Variants in MAST4 observed in about 807,000 individuals in gnomAD.
MAST4 encodes the protein microtubule-associated serine/threonine-protein kinase 4.
MAST4 carries 89 observed loss-of-function variants against 162.7 expected under a neutral mutation model. The observed-to-expected ratio is 0.55, with a 90% CI of 0.46 to 0.65. The LOEUF (loss-of-function observed/expected upper bound fraction) is 0.65. Ranked by LOEUF, MAST4 falls within the 30% of genes least tolerant of loss-of-function variation. The pLI, the probability that MAST4 is intolerant of heterozygous loss-of-function variation, is 0.00. For missense variants in MAST4, 3,153 were observed against 3,374.0 expected, an observed-to-expected ratio of 0.93 and a Z score of 1.62; for synonymous variants, 1,479 against 1,361.1, an observed-to-expected ratio of 1.09 and a Z score of -1.91.
intron 3 of MAST4, among the ~76,000 whole-genome samples, chr5:66,868,533 T>A (rs1290220225): frequency 1.3e-5 from 2 of 151,024 alleles, no homozygotes; most frequent in African/African-American, 4.9e-5. Flanking sequence ...AGTGACTAGT[T>A]CATTGAAAAT....
chr5:66,858,825 G>A (rs938795824), intron 3 of MAST4, among the ~76,000 whole-genome samples: 1 of 151,952 alleles, frequency 6.6e-6, no homozygotes, highest in Non-Finnish European at 1.5e-5. Flanking sequence ...GTATTCATTT[G>A]TGCCTATTAA....
intron 1 of MAST4, among the ~76,000 whole-genome samples, chr5:66,620,206 T>C (rs1009791672): frequency 6.6e-6 from 1 of 152,090 alleles, no homozygotes; most frequent in Admixed American, 6.6e-5. Context: ...AGGTGGATGC[T>C]TGTGTTTTCT....
At chr5:67,009,729 T>A (rs960279906) in intron 4 of MAST4, among the ~76,000 whole-genome samples, 1 of 152,082 alleles carries the variant, frequency 6.6e-6, no homozygotes, top group African/African-American at 2.4e-5. Context: ...GCTTGGCATA[T>A]GAGGGAGTTT....
chr5:67,127,592 T>C (rs527890246), intron 14 of MAST4, among the ~76,000 whole-genome samples: 1 of 152,266 alleles, frequency 6.6e-6, no homozygotes, highest in African/African-American at 2.4e-5. Flanking sequence ...GCTGACTTGA[T>C]CGCGGTGGAT....
At chr5:66,775,629 G>T (rs555906389) in intron 2 of MAST4, among the ~76,000 whole-genome samples, 1 of 152,274 alleles carries the variant, frequency 6.6e-6, no homozygotes, top group Admixed American at 6.5e-5. Context: ...AATTCAGTGT[G>T]CAGGGTTGGA....
Position 66,861,846 on chromosome 5 carries a change from A to T in MAST4, c.643-38105A>T, listed in dbSNP as rs1413542431. On this transcript the variant is annotated intron_variant, in intron 3 of 28. Transcript: ENST00000403625. Reference sequence around the variant, plus strand: ...TATAGTGATTACACCCCGGTAGAAGATGTGATTATTGTTGTGTTATAGATT... The same window carrying T: ...TATAGTGATTACACCCCGGTAGAAGTTGTGATTATTGTTGTGTTATAGATT... Among the ~76,000 whole-genome samples, 10 of 152,250 alleles carry T rather than the reference A, an allele frequency of 6.6e-5. No individual in the cohort carries two copies. The South Asian group carries it at 1.2e-3, about 19-fold the overall frequency.
chr5:67,145,015 G>A, intron 22 of MAST4, 129 bp from the exon 23 acceptor site: 1 of 910,880 alleles, frequency 1.1e-6, no homozygotes, highest in Non-Finnish European at 1.7e-6. Flanking sequence ...CACACATTAA[G>A]AACCATTGCA....
chr5:66,972,739 C>T (rs2150205369), intron 4 of MAST4, among the ~76,000 whole-genome samples: 1 of 152,316 alleles, frequency 6.6e-6, no homozygotes, highest in Middle Eastern at 3.4e-3. Context: ...CAGTCTCCAT[C>T]CAGCTCTCAG....
At chr5:66,651,058 A>C (rs1405546852) in intron 1 of MAST4, among the ~76,000 whole-genome samples, 1 of 152,200 alleles carries the variant, frequency 6.6e-6, no homozygotes, top group East Asian at 1.9e-4. Context: ...TTGCCGTGTC[A>C]CATAGTAGAG....
chr5:66,973,685 C>G (rs1400104728), intron 4 of MAST4, among the ~76,000 whole-genome samples: 1 of 152,122 alleles, frequency 6.6e-6, no homozygotes, highest in African/African-American at 2.4e-5. Context: ...TCATTGATGA[C>G]CTTGCTCAAA....
rs775929585 is a variant in MAST4 at position 67,102,640 on chromosome 5, A to G, written c.1146+29A>G. 8 of 1,567,566 alleles carry G rather than the reference A, an allele frequency of 5.1e-6. No individual in the cohort carries two copies. The Admixed American group carries it at 1.3e-4, about 26-fold the overall frequency. On this transcript the variant is annotated intron_variant, in intron 9 of 28. Transcript: ENST00000403625. ...ATGAATTGAATTGAAGATGCCTAGC[A>G]TCTAAACGAACAGGCACCATAGGTT...
rs1752251041 is a variant in MAST4, at chr5:66,737,997, AG to A, written c.364-21710del. The A allele has an allele frequency of 2.0e-5, 3 of 152,212 alleles. No homozygotes were observed. In the South Asian group the frequency reaches 6.2e-4, roughly 32 times the overall value. The allele number at this position is 152,212 out of a possible 1,614,324, so 9.4% of individuals were successfully genotyped here. On this transcript the variant is annotated intron_variant, in intron 1 of 28. Transcript: ENST00000403625. The stretch of plus-strand genomic sequence containing the variant: ...AGAACGGGGTGCATTGTGAGCAAAT[AG>A]GTCCCCTCAGAACTCATTATGCTGG...
intron 1 of MAST4, among the ~76,000 whole-genome samples, chr5:66,741,428 AT>A (rs1321816828): frequency 6.6e-6 from 1 of 152,140 alleles, no homozygotes; most frequent in Non-Finnish European, 1.5e-5. Flanking sequence ...AAAGGGCCAG[AT>A]AGTAAATATT....
intron 4 of MAST4, among the ~76,000 whole-genome samples, chr5:66,989,176 A>G (rs2073912133): frequency 6.6e-6 from 1 of 152,140 alleles, no homozygotes; most frequent in Admixed American, 6.6e-5. Context: ...TTCCAAAGGT[A>G]AGTTTCTAGG....
At chr5:66,831,222 T>G (rs1214845101) in intron 3 of MAST4, among the ~76,000 whole-genome samples, 2 of 152,236 alleles carry the variant, frequency 1.3e-5, no homozygotes, top group Non-Finnish European at 2.9e-5. Context: ...ACACCATGTT[T>G]GTTGTCTGAA....
At chr5:66,626,700 G>GAGTT (rs1160039023) in intron 1 of MAST4, among the ~76,000 whole-genome samples, 14 of 152,184 alleles carry the variant, frequency 9.2e-5, no homozygotes, top group African/African-American at 3.1e-4. Flanking sequence ...TCTCATTAGA[G>GAGTT]AGTTATATGT....
intron 5 of MAST4, among the ~76,000 whole-genome samples, chr5:67,062,613 A>C (rs1561596660): frequency 6.6e-6 from 1 of 152,214 alleles, no homozygotes. Context: ...AGTACAAGAC[A>C]AATAGTTCCC....
At chr5:66,808,095 T>C (rs904061305) in intron 3 of MAST4, among the ~76,000 whole-genome samples, 5 of 152,242 alleles carry the variant, frequency 3.3e-5, no homozygotes, top group African/African-American at 9.6e-5. Context: ...ATGCACTCTT[T>C]TCCCAGCTTC....
At position 67,166,550 on chromosome 5, in the gene MAST4, GTC is replaced by G. The variant is rs752258474; in HGVS notation, c.7375_7376del (p.Leu2459GlufsTer8). ...TCCGATCCACGGCCCTCCCGGAAAAGTCTCTGAGCTGCTCCTCCAGCTTCCCT... is the reference window on the plus strand; with the variant it reads ...TCCGATCCACGGCCCTCCCGGAAAAGTCTGAGCTGCTCCTCCAGCTTCCCT... Reference protein sequence around the residue: ...SFRSTALPEKSLSCSSSFPET... With the variant: ...SFRSTALPEKXLSCSSSFPET... On this transcript the variant is annotated frameshift_variant, in exon 29 of 29. Transcript: ENST00000403625. LOFTEE classifies it low-confidence loss of function (END_TRUNC). 1.2e-6 allele frequency: 2 copies of G among 1,607,438 alleles called. No individual in the cohort carries two copies. Among genetic ancestry groups the G allele is most frequent in the Non-Finnish European group, 8.5e-7 (1 of 1,177,092 alleles).
Sources: gnomAD v4.1 joint callset for allele counts (sites outside exome capture counted in the v4.1 genomes callset) on GRCh38, gnomAD v4.1.1 for gene constraint, MANE v1.5 for transcripts, NCBI Gene and HGNC (gene_info 2026-07-23, HGNC 2026-07-21) for gene names.